Variants in PLPP4 observed in about 807,000 individuals in gnomAD.
PLPP4 encodes the protein phospholipid phosphatase 4.
A neutral mutation model predicts 32.2 loss-of-function variants in PLPP4; 20 were observed. That is an observed-to-expected ratio of 0.62 (90% CI 0.44 to 0.90). PLPP4 has a LOEUF of 0.90. Among genes scored for constraint, PLPP4 ranks in the 40% least tolerant of loss-of-function variants. The pLI is 0.00. For missense variants in PLPP4, 257 were observed against 353.1 expected (o/e 0.73, Z 2.18); for synonymous variants, 127 against 133.0 (o/e 0.95, Z 0.31).
chr10:120,470,925 C>A (rs1848493631), intron 1 of PLPP4, among the ~76,000 whole-genome samples: 1 of 152,076 alleles, frequency 6.6e-6, no homozygotes, highest in Non-Finnish European at 1.5e-5. Flanking sequence ...AATTTCCTAA[C>A]CTTTAAGCCA....
intron 5 of PLPP4, among the ~76,000 whole-genome samples, chr10:120,559,978 T>C (rs1481976244): frequency 6.6e-6 from 1 of 152,240 alleles, no homozygotes; most frequent in Non-Finnish European, 1.5e-5. Flanking sequence ...CCCATTGCTA[T>C]TGTGTGAGCT....
chr10:120,467,068 A>G (rs1372914800), intron 1 of PLPP4, among the ~76,000 whole-genome samples: 2 of 152,094 alleles, frequency 1.3e-5, no homozygotes, highest in Non-Finnish European at 2.9e-5. Flanking sequence ...TTGCCAGTAT[A>G]TAAGTATGTG....
intron 1 of PLPP4, among the ~76,000 whole-genome samples, chr10:120,487,457 C>T (rs1245720659): frequency 6.6e-6 from 1 of 152,200 alleles, no homozygotes; most frequent in Non-Finnish European, 1.5e-5. Context: ...GTTGATGTCA[C>T]TTACAAAATC....
intron 1 of PLPP4, among the ~76,000 whole-genome samples, chr10:120,481,286 G>A (rs948349235): frequency 6.6e-6 from 1 of 152,188 alleles, no homozygotes; most frequent in African/African-American, 2.4e-5. Flanking sequence ...GATGTGGTGA[G>A]GACTGTACCA....
intron 5 of PLPP4, among the ~76,000 whole-genome samples, chr10:120,554,534 C>G (rs534226722): frequency 6.6e-6 from 1 of 152,252 alleles, no homozygotes; most frequent in South Asian, 2.1e-4. Flanking sequence ...ATAGCAATGC[C>G]CCACTTCTCT....
At chr10:120,550,469 G>A (rs1416333102) in intron 5 of PLPP4, among the ~76,000 whole-genome samples, 1 of 151,840 alleles carries the variant, frequency 6.6e-6, no homozygotes, top group Non-Finnish European at 1.5e-5. Flanking sequence ...ACCTAGGATA[G>A]CCGAACAATT....
chr10:120,523,938 T>C (rs7916632), intron 5 of PLPP4, among the ~76,000 whole-genome samples: 17,165 of 152,156 alleles, frequency 0.11, 1,968 homozygotes, highest in African/African-American at 0.29. Flanking sequence ...AAAAAGATGT[T>C]GATTTCAGAT....
intron 5 of PLPP4, among the ~76,000 whole-genome samples, chr10:120,558,542 A>G (rs1175388713): frequency 6.6e-6 from 1 of 151,260 alleles, no homozygotes; most frequent in Admixed American, 6.6e-5. Flanking sequence ...GAGCCTCCTG[A>G]GTAGCTGGGA....
At position 120,526,362 on chromosome 10, in the gene PLPP4, G is replaced by A. The variant is rs1380273962; in HGVS notation, c.445+5267G>A. On this transcript the variant is annotated intron_variant, in intron 5 of 6. Transcript: ENST00000398250. ...CCTTTGCTGTGTGTTGTGATTTAAG[G>A]TTGAGTCATAAAGCTAATTGGGCAG... Among the ~76,000 whole-genome samples the A allele has an allele frequency of 3.3e-5, 5 of 152,030 alleles. No individual in the cohort carries two copies. In the South Asian group the frequency reaches 8.3e-4, roughly 25 times the overall value.
intron 5 of PLPP4, among the ~76,000 whole-genome samples, chr10:120,544,635 A>G (rs529987538): frequency 5.4e-4 from 82 of 152,184 alleles, no homozygotes; most frequent in African/African-American, 1.7e-3. Context: ...CCTCCCTTCT[A>G]GACTACAAGC....
chr10:120,569,859 C>T (rs1214223494), intron 5 of PLPP4, among the ~76,000 whole-genome samples: 1 of 152,182 alleles, frequency 6.6e-6, no homozygotes. Flanking sequence ...TCAACAGTGA[C>T]CCTGATGGGC....
At chr10:120,540,125 A>G (rs891451230) in intron 5 of PLPP4, among the ~76,000 whole-genome samples, 4 of 152,152 alleles carry the variant, frequency 2.6e-5, no homozygotes, top group Non-Finnish European at 5.9e-5. Context: ...ATTTTCTATC[A>G]AAACTATTTT....
rs148659486 is a variant in PLPP4, at chr10:120,521,693, G to A, written c.445+598G>A. Among the ~76,000 whole-genome samples the A allele has an allele frequency of 5.5e-3, 842 of 152,286 alleles. 6 individuals are homozygous for A. The highest frequency in any genetic ancestry group is 0.023 in the South Asian group (112 of 4,820). ...CCTGGCTCTGCCAGGTATTAGCTCT[G>A]TGACTTCACCTCCCTGTGCCTCAGT... On this transcript the variant is annotated intron_variant, in intron 5 of 6. Transcript: ENST00000398250.
At chr10:120,462,461 A>G (rs1164725562) in intron 1 of PLPP4, among the ~76,000 whole-genome samples, 1 of 152,202 alleles carries the variant, frequency 6.6e-6, no homozygotes, top group Non-Finnish European at 1.5e-5. Flanking sequence ...TCGTGGCCGC[A>G]GCCCTGCTTC....
rs192868914 is a variant in PLPP4 at position 120,513,368 on chromosome 10, G to T, written c.166-543G>T. On this transcript the variant is annotated intron_variant, in intron 2 of 6. Transcript: ENST00000398250. ...GAATCCCACCAGTTTAACTCATTAA[G>T]TCTGAGTTGAGCATCTATGTGGAGG... 1.8e-4 allele frequency among the ~76,000 whole-genome samples: 28 copies of T among 152,336 alleles called. No individual in the cohort carries two copies. The East Asian group carries it at 4.1e-3, about 22-fold the overall frequency.
chr10:120,494,087 T>C (rs528578637), intron 1 of PLPP4, among the ~76,000 whole-genome samples: 1 of 152,316 alleles, frequency 6.6e-6, no homozygotes, highest in Admixed American at 6.5e-5. Context: ...TACAGGACCT[T>C]ATTTGTGAAA....
intron 1 of PLPP4, among the ~76,000 whole-genome samples, chr10:120,458,775 G>A (rs532564509): frequency 1.3e-5 from 2 of 152,276 alleles, no homozygotes; most frequent in East Asian, 1.9e-4. Context: ...TGGAATGTAC[G>A]TTAAAACTAA....
chr10:120,528,135 C>T (rs372259371), intron 5 of PLPP4, among the ~76,000 whole-genome samples: 2 of 126,098 alleles, frequency 1.6e-5, no homozygotes, highest in African/African-American at 3.1e-5. Context: ...AGTGCAGCGG[C>T]GCGATCTCGG....
chr10:120,472,200 G>T (rs1589721745), intron 1 of PLPP4, among the ~76,000 whole-genome samples: 1 of 152,136 alleles, frequency 6.6e-6, no homozygotes, highest in Middle Eastern at 3.4e-3. Context: ...GTTAGATTTG[G>T]TTTTTCCCTT....
Sources: allele counts gnomAD v4.1 joint callset (sites outside exome capture counted in the v4.1 genomes callset), GRCh38; gene constraint gnomAD v4.1.1; transcripts MANE v1.5; gene names NCBI Gene and HGNC (gene_info 2026-07-23, HGNC 2026-07-21).